Variants in MEPCE observed in about 807,000 individuals in gnomAD.
MEPCE encodes 7SK snRNA methylphosphate capping enzyme.
A neutral mutation model predicts 52.3 loss-of-function variants in MEPCE; 9 were observed. The ratio of observed to expected loss-of-function variants is 0.17; its 90% CI spans 0.10 to 0.30. The LOEUF is 0.30. MEPCE is among the 10% of genes least tolerant of loss of function. The probability of loss-of-function intolerance (pLI) is 1.00; values close to 1 mark genes in which losing one functional copy is unlikely to be tolerated. For missense variants in MEPCE, 826 were observed against 933.0 expected (o/e 0.89, Z 1.49); for synonymous variants, 477 against 401.6 (o/e 1.19, Z -2.25).
At chr7:100,429,575 G>A (rs938807782), upstream of MEPCE, 1 of 157,548 alleles carries the variant, frequency 6.3e-6, no homozygotes, top group Non-Finnish European at 1.4e-5. Context: ...GCTGCGCAGG[G>A]AAGTAGGGTG....
rs1798642494 is a variant in MEPCE at position 100,430,665 on chromosome 7, C to T, written c.647C>T (p.Ser216Leu). Residue 216 changes from serine to leucine, a missense_variant, in exon 1 of 4, where the codon TCA (serine) becomes TTA (leucine). Transcript: ENST00000310512. ...ACTCTCAACGCGGAGACCCCTAAGT[C>T]ATCCCCCCTTCCGGCCAAAGGGCGA... ...SRTLNAETPK[S>L]SPLPAKGRDP... 2 of 1,613,852 alleles carry T rather than the reference C, an allele frequency of 1.2e-6. No individual in the cohort carries two copies. The highest frequency in any genetic ancestry group is 1.7e-6 in the Non-Finnish European group (2 of 1,180,010).
Position 100,430,814 on chromosome 7 carries a change from CG to C in MEPCE, c.800del (p.Gly267AspfsTer171), listed in dbSNP as rs1563162872. The C allele has an allele frequency of 1.2e-6, 2 of 1,612,826 alleles. No individual in the cohort carries two copies. Among genetic ancestry groups the C allele is most frequent in the East Asian group, 2.2e-5 (1 of 44,848 alleles). On this transcript the variant is annotated frameshift_variant, in exon 1 of 4. Coordinates refer to ENST00000310512, the MANE Select transcript of MEPCE (RefSeq NM_019606.6). LOFTEE classifies it high-confidence loss of function. ...LKTGRKRHRH[R>X]GQHHQQQQAA... ...GACTGGTCGGAAGCGGCATAGACACCGGGGACAGCACCACCAGCAGCAGCAG... is the reference window on the plus strand; with the variant it reads ...GACTGGTCGGAAGCGGCATAGACACCGGGACAGCACCACCAGCAGCAGCAG...
Position 100,430,156 on chromosome 7 carries a change from G to C in MEPCE, c.138G>C (p.Gly46=). ...CCGCCTCTGGGGAGCTCCGCGGCGG[G>C]ACGGAGCGTGGTCCGGGTCGTTGCG... ...QEAASGELRG[G]TERGPGRCAP... The change falls in exon 1 of 4, where the codon GGG becomes GGC. Residue 46 remains glycine (G), a synonymous_variant. Transcript: ENST00000310512. The C allele has an allele frequency of 7.8e-7, 1 of 1,284,746 alleles. No homozygotes were observed. The highest frequency in any genetic ancestry group is 1.5e-5 in the African/African-American group (1 of 64,726). The allele number at this position is 1,284,746 out of a possible 1,614,324, so 79.6% of individuals were successfully genotyped here.
upstream of MEPCE, chr7:100,429,242 A>T (rs566781194): frequency 6.6e-5 from 10 of 152,224 alleles, no homozygotes; most frequent in South Asian, 2.1e-4. Context: ...GATCGCGCTG[A>T]CGCACGCTGC....
Position 100,431,146 on chromosome 7 carries a change from TA to T in MEPCE, c.1129del (p.Arg377GlyfsTer61). On this transcript the variant is annotated frameshift_variant, in exon 1 of 4. Transcript: ENST00000310512. LOFTEE classifies it high-confidence loss of function. ...CTTCCAGCAAGTCGGAGGCAGGGGC[TA>T]GGGGTGGAGGCCAGGGTTCCAAGGA... ...RTSSKSEAGA[R>X]GGGQGSKEKG... 1 of 1,613,650 alleles carries T rather than the reference TA, an allele frequency of 6.2e-7. No individual in the cohort carries two copies.
At position 100,433,814 on chromosome 7, in the gene MEPCE, T is replaced by TC. The variant is rs1347867288; in HGVS notation, c.*260_*261insC. On this transcript the variant is annotated 3_prime_UTR_variant, in exon 4 of 4. Transcript: ENST00000310512. ...TCCCAGGCTGGATGGCATGGACTGT[T>TC]TGCTGACCTCTGTTCTCTTAGGGCA... 3 of 551,202 alleles carry TC rather than the reference T, an allele frequency of 5.4e-6. No homozygotes were observed. The East Asian group carries it at 9.2e-5, about 17-fold the overall frequency. 34.1% of individuals were successfully genotyped at this position (551,202 alleles called of 1,614,324 possible).
Position 100,433,730 on chromosome 7 carries a change from G to GC in MEPCE, c.*177dup. 2 of 647,684 alleles carry GC rather than the reference G, an allele frequency of 3.1e-6. No individual in the cohort carries two copies. The highest frequency in any genetic ancestry group is 3.9e-5 in the South Asian group (2 of 51,456). 40.1% of individuals were successfully genotyped at this position (647,684 alleles called of 1,614,324 possible). On this transcript the variant is annotated 3_prime_UTR_variant, in exon 4 of 4. Coordinates refer to ENST00000310512, the MANE Select transcript of MEPCE (RefSeq NM_019606.6). ...CCTCAGCCTCCTCCCTATGCCTCTG[G>GC]CACCTGCGCAGCAAGGCTGGCTGTG...
At position 100,434,098 on chromosome 7, in the gene MEPCE, T is replaced by C. The variant is rs1214591532; in HGVS notation, c.*544T>C. On this transcript the variant is annotated 3_prime_UTR_variant, in exon 4 of 4. Transcript: ENST00000310512. ...TGTGAGAACAGCACAATAAACTTGA[T>C]GTCTAGGGCAGTGGCCCCCACACCT... is the stretch of plus-strand genomic sequence containing the variant. 1 of 154,156 alleles carries C rather than the reference T, an allele frequency of 6.5e-6. No individual in the cohort carries two copies. Among genetic ancestry groups the C allele is most frequent in the Non-Finnish European group, 1.4e-5 (1 of 69,180 alleles). 9.5% of individuals were successfully genotyped at this position (154,156 alleles called of 1,614,324 possible). A position where few individuals can be genotyped will look rare whatever the true frequency, so the allele number is the denominator to read the frequency against.
chr7:100,433,479 C>T (rs1798783188), intron 3 of MEPCE, 23 bp from the exon 4 acceptor site: 3 of 1,613,998 alleles, frequency 1.9e-6, no homozygotes, highest in African/African-American at 2.7e-5. Context: ...CCAACCCCTT[C>T]TGATCACTCT....
In MEPCE at chr7:100,433,609, T is replaced by TGG. The variant is rs1217962883; in HGVS notation, c.*59_*60dup. The stretch of plus-strand genomic sequence containing the variant: ...GCTGCCCTCGCTGCTCATAAGGACC[T>TGG]GGGGGAAGAGGAAAGTGTCCCAAGG... On this transcript the variant is annotated 3_prime_UTR_variant, in exon 4 of 4. Coordinates refer to ENST00000310512, the MANE Select transcript of MEPCE (RefSeq NM_019606.6). The TGG allele has an allele frequency of 6.5e-7, 1 of 1,547,502 alleles. No individual in the cohort carries two copies. The highest frequency in any genetic ancestry group is 1.7e-5 in the Admixed American group (1 of 57,572).
In MEPCE at chr7:100,431,232, G is replaced by C. The variant is rs1437780758; in HGVS notation, c.1214G>C (p.Gly405Ala). Residue 405 changes from glycine (G) to alanine (A), a missense_variant, in exon 1 of 4, where the codon GGC becomes GCC. This residue lies in a region of MEPCE where 307 missense variants were observed against 292.1 expected (regional missense o/e 1.05). Transcript: ENST00000310512. ...CACCACCACCCACTGCCTGCAGCAG[G>C]CTTCAAAAAGCAACAGCGCAAGTTC... ...HHHHHPLPAA[G>A]FKKQQRKFQY... 1.9e-6 allele frequency: 3 copies of C among 1,613,950 alleles called. No individual in the cohort carries two copies. The highest frequency in any genetic ancestry group is 2.2e-5 in the East Asian group (1 of 44,908).
chr7:100,430,368 G>A lies in MEPCE; in HGVS notation c.350G>A (p.Arg117Gln), dbSNP rs1798610513. Residue 117 changes from arginine (R) to glutamine (Q), a missense_variant, in exon 1 of 4, where the codon CGG becomes CAG. Physicochemically the swap from Arg to Gln is conservative, Grantham distance 43 (BLOSUM62 1). This residue lies in a region of MEPCE where 314 missense variants were observed against 277.7 expected (regional missense o/e 1.13). Transcript: ENST00000310512. ...CCCCCGGACGTGGGGGAGGAGCGCCGGGGAGGGGGCGGGACAGAGCTGGGT... is the reference window on the plus strand; with the variant it reads ...CCCCCGGACGTGGGGGAGGAGCGCCAGGGAGGGGGCGGGACAGAGCTGGGT... ...AAPPDVGEER[R>Q]GGGGTELGPP... 7 of 1,443,816 alleles carry A rather than the reference G, an allele frequency of 4.8e-6. No individual in the cohort carries two copies. The highest frequency in any genetic ancestry group is 6.4e-6 in the Non-Finnish European group (7 of 1,100,710). The allele number at this position is 1,443,816 out of a possible 1,614,324, so 89.4% of individuals were successfully genotyped here.
At chr7:100,432,763 C>CA (rs1277949504) in intron 1 of MEPCE, among the ~76,000 whole-genome samples, 156 bp from the exon 2 acceptor site, 34 of 152,310 alleles carry the variant, frequency 2.2e-4, no homozygotes, top group African/African-American at 7.9e-4. Context: ...AAACAAAACT[C>CA]AAAGAGGGCA....
Position 100,433,038 on chromosome 7 carries a change from G to GTT in MEPCE, c.1791_1792insTT (p.Arg598PhefsTer19). The GTT allele has an allele frequency of 6.2e-7, 1 of 1,614,050 alleles. No individual in the cohort carries two copies. The highest frequency in any genetic ancestry group is 1.1e-5 in the South Asian group (1 of 91,086). ...TGAACTGGGGAGACGAGGGCCTGAAGCGCATGTTTCGCCGGATCTACCGGC... is the reference window on the plus strand; with the variant it reads ...TGAACTGGGGAGACGAGGGCCTGAAGTTCGCATGTTTCGCCGGATCTACCGGC... On this transcript the variant is annotated frameshift_variant, in exon 2 of 4. Transcript: ENST00000310512. LOFTEE classifies it high-confidence loss of function.
rs747870244 is a variant in MEPCE at position 100,433,348 on chromosome 7, C to G, written c.1976C>G (p.Ser659Cys). Reference sequence around the variant, plus strand: ...CTGACATCCCCAGACGTGGGCTTCTCCAGCTATGAGCTTGTGGCCACACCC... The same window carrying G: ...CTGACATCCCCAGACGTGGGCTTCTGCAGCTATGAGCTTGTGGCCACACCC... ...SYLTSPDVGF[S>C]SYELVATPHN... The change falls in exon 3 of 4, where the codon TCC (serine) becomes TGC (cysteine). Residue 659 changes from serine to cysteine, a missense_variant. Ser to Cys is a moderately radical substitution (Grantham distance 112, BLOSUM62 -1). This residue lies in a region of MEPCE where 82 missense variants were observed against 121.4 expected (regional missense o/e 0.68). Transcript: ENST00000310512. The G allele has an allele frequency of 1.2e-6, 2 of 1,614,202 alleles. No homozygotes were observed. Among genetic ancestry groups the G allele is most frequent in the Non-Finnish European group, 1.7e-6 (2 of 1,180,038 alleles).
Position 100,431,673 on chromosome 7 carries a change from A to G in MEPCE, c.1655A>G (p.Asn552Ser). The G allele has an allele frequency of 1.3e-6, 2 of 1,594,238 alleles. No individual in the cohort carries two copies. Among genetic ancestry groups the G allele is most frequent in the Non-Finnish European group, 1.7e-6 (2 of 1,175,068 alleles). ...GCGGACACATCAGTCTTCCCCAACAATGTTGTCTTCGTCACGGTAAGAGGG... is the reference window on the plus strand; with the variant it reads ...GCGGACACATCAGTCTTCCCCAACAGTGTTGTCTTCGTCACGGTAAGAGGG... ...DGADTSVFPN[N>S]VVFVTGNYVL... Residue 552 changes from asparagine to serine, a missense_variant, in exon 1 of 4, where the codon AAT becomes AGT. Physicochemically the swap from Asn to Ser is conservative, Grantham distance 46. Transcript: ENST00000310512.
In MEPCE at chr7:100,433,250, C is replaced by T. The variant is rs199596107; in HGVS notation, c.1891-13C>T. On this transcript the variant is annotated splice_polypyrimidine_tract_variant and intron_variant, in intron 2 of 3. Coordinates refer to ENST00000310512, the MANE Select transcript of MEPCE (RefSeq NM_019606.6). ...GGCAGCGTGCTGAAGTGGTCCCTTG[C>T]CTCTCTCCTTAGGAAACGATCTACA... The T allele has an allele frequency of 1.2e-6, 2 of 1,614,132 alleles. No individual in the cohort carries two copies. Among genetic ancestry groups the T allele is most frequent in the Admixed American group, 3.3e-5 (2 of 60,024 alleles).
chr7:100,432,028 C>T (rs993810072), intron 1 of MEPCE, among the ~76,000 whole-genome samples: 1 of 152,204 alleles, frequency 6.6e-6, no homozygotes, highest in African/African-American at 2.4e-5. Context: ...CCAGGTGGAA[C>T]TTGGTCCTCA....
intron 1 of MEPCE, 105 bp downstream of exon 1, chr7:100,431,794 T>C (rs1798717121): frequency 8.6e-7 from 1 of 1,164,198 alleles, no homozygotes; most frequent in Admixed American, 2.8e-5. Flanking sequence ...AAGAGGGGTC[T>C]GGGTTGGCAA....
Sources: allele counts gnomAD v4.1 joint callset (sites outside exome capture counted in the v4.1 genomes callset), GRCh38; gene constraint gnomAD v4.1.1; regional missense constraint gnomAD v4.1.1; transcripts MANE v1.5; gene names NCBI Gene and HGNC (gene_info 2026-07-23, HGNC 2026-07-21).